The following RGS20 variants were observed in gnomAD, a reference collection of about 807,000 sequenced individuals.
The protein encoded by RGS20 is regulator of G protein signaling 20.
A neutral mutation model predicts 33.6 loss-of-function variants in RGS20; 30 were observed. That is an observed-to-expected ratio of 0.89 (90% CI 0.67 to 1.21). RGS20 has a LOEUF of 1.21. Ranked by LOEUF, RGS20 falls within the 50% of genes most tolerant of loss-of-function variation. RGS20 has a pLI of 0.00. For synonymous variants in RGS20, 208 were observed against 197.9 expected (o/e 1.05, Z -0.43); for missense variants, 472 against 502.4 (o/e 0.94, Z 0.58).
intron 4 of RGS20, among the ~76,000 whole-genome samples, chr8:53,948,405 A>G (rs1308637653): frequency 2.1e-5 from 3 of 143,416 alleles, no homozygotes; most frequent in African/African-American, 7.5e-5. Context: ...AAGATACAGT[A>G]TATATTTACA....
At chr8:53,920,019 G>A (rs570587278) in intron 2 of RGS20, among the ~76,000 whole-genome samples, 45 of 152,066 alleles carry the variant, frequency 3.0e-4, no homozygotes, top group African/African-American at 9.9e-4. Flanking sequence ...GACTACAGGC[G>A]CACACCACCA....
intron 2 of RGS20, among the ~76,000 whole-genome samples, chr8:53,882,565 G>C (rs1450998806): frequency 6.6e-6 from 1 of 150,424 alleles, no homozygotes; most frequent in Non-Finnish European, 1.5e-5. Context: ...GAATCTCCTC[G>C]ATTCCTGTCC....
At chr8:53,931,639 T>G (rs1243871246) in intron 2 of RGS20, among the ~76,000 whole-genome samples, 1 of 152,170 alleles carries the variant, frequency 6.6e-6, no homozygotes, top group Non-Finnish European at 1.5e-5. Flanking sequence ...AGCTCCGGTC[T>G]GTAGCTCCCA....
chr8:53,892,411 CAA>C (rs1308618487), intron 2 of RGS20, among the ~76,000 whole-genome samples: 1 of 152,170 alleles, frequency 6.6e-6, no homozygotes, highest in Non-Finnish European at 1.5e-5. Context: ...TAAACTAGTT[CAA>C]CCATTGTGGA....
At position 53,958,477 on chromosome 8, in the gene RGS20, A is replaced by ATTATT; in HGVS notation, c.*20_*24dup. ...AGCATAGGATTTTTCAAATATATTT[A>ATTATT]TTATTAATAAAATAATAAAAGAATT... On this transcript the variant is annotated 3_prime_UTR_variant, in exon 6 of 6. Transcript: ENST00000297313. The ATTATT allele has an allele frequency of 7.7e-7, 1 of 1,292,264 alleles. No individual in the cohort carries two copies. Among genetic ancestry groups the ATTATT allele is most frequent in the Non-Finnish European group, 1.0e-6 (1 of 988,960 alleles). The allele number at this position is 1,292,264 out of a possible 1,614,324, so 80.0% of individuals were successfully genotyped here. A position where few individuals can be genotyped will look rare whatever the true frequency, so the allele number is the denominator to read the frequency against.
chr8:53,918,048 A>G (rs1249642390), intron 2 of RGS20, among the ~76,000 whole-genome samples: 1 of 152,220 alleles, frequency 6.6e-6, no homozygotes, highest in Non-Finnish European at 1.5e-5. Flanking sequence ...TAGTCATGCC[A>G]TAGCATGTAT....
chr8:53,885,613 C>CA (rs113602235), intron 2 of RGS20, among the ~76,000 whole-genome samples: 4,317 of 142,690 alleles, frequency 0.03, 204 homozygotes, highest in African/African-American at 0.1. Context: ...GACTCCGTCT[C>CA]AAAAAAAAAA....
intron 2 of RGS20, among the ~76,000 whole-genome samples, chr8:53,891,968 C>T (rs1183862509): frequency 6.6e-6 from 1 of 151,722 alleles, no homozygotes; most frequent in African/African-American, 2.4e-5. Flanking sequence ...TATACATGTG[C>T]CATGCTGGTG....
chr8:53,939,548 G>A (rs1814225955), intron 2 of RGS20, 28 bp from the exon 2 acceptor site: 5 of 1,467,382 alleles, frequency 3.4e-6, no homozygotes, highest in Admixed American at 2.6e-5. Flanking sequence ...ACCCCCTCCC[G>A]CCCGCTTTGT....
At chr8:53,922,897 G>T (rs1813691794) in intron 2 of RGS20, among the ~76,000 whole-genome samples, 1 of 152,154 alleles carries the variant, frequency 6.6e-6, no homozygotes, top group African/African-American at 2.4e-5. Flanking sequence ...CTGGTCTCAA[G>T]TGAGCCTCCT....
At chr8:53,873,993 G>A (rs1812135270) in intron 1 of RGS20, among the ~76,000 whole-genome samples, 1 of 152,112 alleles carries the variant, frequency 6.6e-6, no homozygotes, top group Non-Finnish European at 1.5e-5. Flanking sequence ...GAGAACAGGA[G>A]TTCAAGACCA....
chr8:53,891,256 C>T (rs1305360909), intron 2 of RGS20, among the ~76,000 whole-genome samples: 3 of 152,194 alleles, frequency 2.0e-5, no homozygotes, highest in Admixed American at 6.5e-5. Flanking sequence ...TTTTTGCTTT[C>T]ACAGTTCTCT....
chr8:53,958,649 G>C lies in RGS20; in HGVS notation c.*191G>C, dbSNP rs1032532870. 6.2e-5 allele frequency: 17 copies of C among 272,062 alleles called. No individual in the cohort carries two copies. Among genetic ancestry groups the C allele is most frequent in the African/African-American group, 3.9e-4 (17 of 43,462 alleles). The allele number at this position is 272,062 out of a possible 1,614,324, so 16.9% of individuals were successfully genotyped here. On this transcript the variant is annotated 3_prime_UTR_variant, in exon 6 of 6. Coordinates refer to ENST00000297313, the MANE Select transcript of RGS20 (RefSeq NM_170587.4). ...TGCAGCCACCTTTAGTGATACTTTTGAAAAAAAAAAATAAAGGGATATGGC... is the reference window on the plus strand; with the variant it reads ...TGCAGCCACCTTTAGTGATACTTTTCAAAAAAAAAAATAAAGGGATATGGC...
intron 2 of RGS20, among the ~76,000 whole-genome samples, chr8:53,926,854 A>G (rs1057411054): frequency 6.6e-6 from 1 of 151,964 alleles, no homozygotes; most frequent in African/African-American, 2.4e-5. Flanking sequence ...CGGAGGTTAC[A>G]GTGAGCCGAG....
At position 53,879,557 on chromosome 8, in the gene RGS20, G is replaced by C; in HGVS notation, c.465G>C (p.Lys155Asn). Residue 155 changes from lysine to asparagine, a missense_variant, in exon 2 of 6, where the codon AAG (lysine) becomes AAC (asparagine). Physicochemically the swap from Lys to Asn is moderately conservative, Grantham distance 94. Transcript: ENST00000297313. ...TGAGGCCCCCCCATCCGGTAGCCAA[G>C]CCCAGGGAAGAAGACGCCACCGCTG... The C allele has an allele frequency of 6.5e-7, 1 of 1,540,860 alleles. No individual in the cohort carries two copies. The highest frequency in any genetic ancestry group is 1.4e-5 in the African/African-American group (1 of 71,828).
chr8:53,926,133 T>A (rs2129287730), intron 2 of RGS20, among the ~76,000 whole-genome samples: 1 of 152,194 alleles, frequency 6.6e-6, no homozygotes, highest in African/African-American at 2.4e-5. Flanking sequence ...TTGCTTGAAC[T>A]CAGGAGGTTG....
At chr8:53,875,682 A>C (rs1676981470) in intron 1 of RGS20, among the ~76,000 whole-genome samples, 7 of 152,086 alleles carry the variant, frequency 4.6e-5, no homozygotes, top group Admixed American at 3.9e-4. Flanking sequence ...TGCCTCCATT[A>C]CACAACATTT....
In RGS20 at chr8:53,947,499, GAT is replaced by G. The variant is rs548632811; in HGVS notation, c.743+755_743+756del. Among the ~76,000 whole-genome samples the G allele has an allele frequency of 1.0e-4, 14 of 134,578 alleles. No homozygotes were observed. In the South Asian group the frequency reaches 3.4e-3, roughly 33 times the overall value. 88.3% of individuals were successfully genotyped at this position (134,578 alleles called of 152,430 possible). The stretch of plus-strand genomic sequence containing the variant: ...ATATACATTTATATATGCTATATAG[GAT>G]ATAGTATATACATTTATATATGCTA... On this transcript the variant is annotated intron_variant, in intron 4 of 5. Transcript: ENST00000297313.
intron 3 of RGS20, among the ~76,000 whole-genome samples, chr8:53,943,579 T>C (rs767969120): frequency 2.3e-4 from 35 of 152,156 alleles, no homozygotes; most frequent in African/African-American, 8.2e-4. Flanking sequence ...ACAATAACAG[T>C]GGACCGAGGT....
Sources: allele counts gnomAD v4.1 joint callset (sites outside exome capture counted in the v4.1 genomes callset), GRCh38; gene constraint gnomAD v4.1.1; transcripts MANE v1.5; gene names NCBI Gene and HGNC (gene_info 2026-07-23, HGNC 2026-07-21).